EXOC2: variants seen among roughly 807,000 people sequenced by gnomAD.
EXOC2 encodes the protein exocyst complex component 2.
In EXOC2, 70 loss-of-function variants were observed where a neutral mutation model predicts 131.8. The ratio of observed to expected loss-of-function variants is 0.53; its 90% confidence interval spans 0.44 to 0.65. EXOC2 has a LOEUF of 0.65. Ranked by LOEUF, EXOC2 falls within the 30% of genes least tolerant of loss-of-function variation. EXOC2 has a pLI of 0.00. For missense variants in EXOC2, 923 were observed against 1,108.6 expected (o/e 0.83, Z 2.38); for synonymous variants, 411 against 398.4 (o/e 1.03, Z -0.38).
At chr6:589,918 A>G (rs1261867654) in intron 11 of EXOC2, among the ~76,000 whole-genome samples, 1 of 152,214 alleles carries the variant, frequency 6.6e-6, no homozygotes, top group Non-Finnish European at 1.5e-5. Context: ...CATCCTGGCT[A>G]ACACCGTGAT....
chr6:638,459 G>A (rs1448085347), intron 1 of EXOC2, among the ~76,000 whole-genome samples: 1 of 152,206 alleles, frequency 6.6e-6, no homozygotes, highest in African/African-American at 2.4e-5. Flanking sequence ...TAGTTTCTGA[G>A]ACCAGGTAGA....
chr6:664,737 T>A (rs1348482862), intron 1 of EXOC2, among the ~76,000 whole-genome samples: 1 of 152,114 alleles, frequency 6.6e-6, no homozygotes, highest in Admixed American at 6.5e-5. Context: ...GCTAGCCACA[T>A]GTAGGAGAAT....
intron 10 of EXOC2, among the ~76,000 whole-genome samples, chr6:592,841 C>T (rs919787134): frequency 6.6e-5 from 10 of 151,966 alleles, no homozygotes; most frequent in Non-Finnish European, 1.2e-4. Context: ...GCCTGGCCAA[C>T]GTGCTGAAAC....
At chr6:585,459 C>T (rs925782739) in intron 11 of EXOC2, among the ~76,000 whole-genome samples, 1 of 152,170 alleles carries the variant, frequency 6.6e-6, no homozygotes, top group Admixed American at 6.5e-5. Flanking sequence ...CGAGTCCAGA[C>T]AAGGATCTAA....
At chr6:537,182 G>A (rs1001390788) in intron 22 of EXOC2, among the ~76,000 whole-genome samples, 20 of 151,664 alleles carry the variant, frequency 1.3e-4, no homozygotes, top group African/African-American at 4.9e-4. Flanking sequence ...TTGAGTTGAC[G>A]ACCGACGGAG....
chr6:624,534 A>G (rs1426519486), intron 4 of EXOC2, among the ~76,000 whole-genome samples: 1 of 152,144 alleles, frequency 6.6e-6, no homozygotes, highest in Admixed American at 6.5e-5. Flanking sequence ...TTTGATTCCC[A>G]TGACAATAAC....
At chr6:549,349 A>C (rs1221585265) in intron 21 of EXOC2, 58 bp from the exon 22 acceptor site, 6 of 1,238,496 alleles carry the variant, frequency 4.8e-6, no homozygotes, top group Middle Eastern at 1.9e-4. Flanking sequence ...AGAATAGCTG[A>C]TTAACACTTG....
intron 7 of EXOC2, among the ~76,000 whole-genome samples, chr6:607,082 C>T (rs1017980855): frequency 4.6e-5 from 7 of 152,132 alleles, no homozygotes; most frequent in East Asian, 1.9e-4. Flanking sequence ...ATTTACACAG[C>T]GACGTGTGAA....
chr6:675,212 T>A (rs1348312375), intron 1 of EXOC2, among the ~76,000 whole-genome samples: 1 of 152,192 alleles, frequency 6.6e-6, no homozygotes, highest in East Asian at 1.9e-4. Flanking sequence ...TCTTCCCTTT[T>A]CAACCTTTCT....
intron 4 of EXOC2, among the ~76,000 whole-genome samples, chr6:628,950 C>A (rs1483396921): frequency 2.0e-5 from 3 of 152,144 alleles, no homozygotes; most frequent in Admixed American, 2.0e-4. Context: ...AGCTGCTAAG[C>A]CCCAGACTTT....
At chr6:620,865 C>G (rs1319427998) in intron 4 of EXOC2, among the ~76,000 whole-genome samples, 2 of 152,128 alleles carry the variant, frequency 1.3e-5, no homozygotes, top group Non-Finnish European at 2.9e-5. Context: ...GAATGTCCTT[C>G]GGGGCCTGTG....
intron 21 of EXOC2, among the ~76,000 whole-genome samples, chr6:551,430 A>C (rs1380268302): frequency 4.6e-5 from 7 of 152,256 alleles, no homozygotes. Flanking sequence ...ACTGGAGACT[A>C]AGGCAGGAGA....
chr6:517,649 T>G (rs1271283693), intron 23 of EXOC2, among the ~76,000 whole-genome samples: 1 of 152,264 alleles, frequency 6.6e-6, no homozygotes, highest in East Asian at 1.9e-4. Flanking sequence ...GAAAAGTTTA[T>G]GGTGAACTTT....
intron 1 of EXOC2, among the ~76,000 whole-genome samples, chr6:687,172 T>TTTTTG (rs1491517784): frequency 1.5e-4 from 2 of 13,654 alleles, no homozygotes; most frequent in African/African-American, 1.8e-4. Flanking sequence ...AATAATATTC[T>TTTTTG]TTTTTTTTTT....
At chr6:664,612 T>C (rs566169187) in intron 1 of EXOC2, among the ~76,000 whole-genome samples, 2 of 152,238 alleles carry the variant, frequency 1.3e-5, no homozygotes, top group South Asian at 2.1e-4. Flanking sequence ...TGGAAAAGAA[T>C]AGAGAACCCA....
chr6:649,635 C>T (rs554155010), intron 1 of EXOC2, among the ~76,000 whole-genome samples: 146 of 152,236 alleles, frequency 9.6e-4, no homozygotes, highest in South Asian at 7.1e-3. Context: ...GGAAATTAAC[C>T]GTGGAAAGAG....
At chr6:525,723 G>T (rs978387002) in intron 23 of EXOC2, 1 of 152,034 alleles carries the variant, frequency 6.6e-6, no homozygotes, top group Non-Finnish European at 1.5e-5. Flanking sequence ...AAGTTTTCTA[G>T]CATGCTCCTT....
At chr6:537,576 G>C (rs528047532) in intron 22 of EXOC2, among the ~76,000 whole-genome samples, 37 of 152,156 alleles carry the variant, frequency 2.4e-4, no homozygotes, top group Non-Finnish European at 4.9e-4. Flanking sequence ...CTTGTGCCAC[G>C]ACCAGCTATT....
intron 27 of EXOC2, 44 bp downstream of exon 27, chr6:488,935 T>C: frequency 6.3e-7 from 1 of 1,577,778 alleles, no homozygotes; most frequent in Non-Finnish European, 8.7e-7. Flanking sequence ...AAAACCTTGT[T>C]GAGCACATTC....
Sources: gnomAD v4.1 joint callset for allele counts (sites outside exome capture counted in the v4.1 genomes callset) on GRCh38, gnomAD v4.1.1 for gene constraint, MANE v1.5 for transcripts, NCBI Gene and HGNC (gene_info 2026-07-23, HGNC 2026-07-21) for gene names.